TAOK3: variants seen among roughly 807,000 people sequenced by gnomAD.
TAOK3 encodes serine/threonine-protein kinase TAO3.
In TAOK3, 40 loss-of-function variants were observed where a neutral mutation model predicts 120.4. The ratio of observed to expected loss-of-function variants is 0.33; its 90% CI spans 0.26 to 0.43. The LOEUF (loss-of-function observed/expected upper bound fraction) is 0.43. Ranked by LOEUF, TAOK3 falls within the 20% of genes least tolerant of loss-of-function variation. The pLI, the probability that TAOK3 is intolerant of heterozygous loss-of-function variation, is 1.00. For synonymous variants in TAOK3, 355 were observed against 387.5 expected (o/e 0.92, Z 0.99); for missense variants, 821 against 1,112.1 (o/e 0.74, Z 3.72).
intron 2 of TAOK3, among the ~76,000 whole-genome samples, chr12:118,263,196 T>G (rs978252532): frequency 6.6e-6 from 1 of 152,164 alleles, no homozygotes; most frequent in Non-Finnish European, 1.5e-5. Flanking sequence ...CCCACATATT[T>G]ATGGACAACT....
At chr12:118,243,851 G>C (rs138387137) in intron 4 of TAOK3, among the ~76,000 whole-genome samples, 360 of 152,020 alleles carry the variant, frequency 2.4e-3, no homozygotes, top group Non-Finnish European at 4.2e-3. Flanking sequence ...TAATTTTTTT[G>C]TATTTTTAGT....
At chr12:118,152,040 G>A (rs145540644) in intron 20 of TAOK3, among the ~76,000 whole-genome samples, 187 bp downstream of exon 20, 2 of 152,280 alleles carry the variant, frequency 1.3e-5, no homozygotes, top group East Asian at 3.9e-4. Context: ...TCAGACATGC[G>A]TGCCTTGGTG....
chr12:118,289,174 G>A (rs912505841), intron 1 of TAOK3, among the ~76,000 whole-genome samples: 6 of 150,656 alleles, frequency 4.0e-5, no homozygotes, highest in African/African-American at 9.7e-5. Flanking sequence ...GGTGGCATGC[G>A]CCTATAATCC....
At chr12:118,347,027 C>T (rs1313742366) in intron 1 of TAOK3, among the ~76,000 whole-genome samples, 5 of 152,028 alleles carry the variant, frequency 3.3e-5, no homozygotes, top group Non-Finnish European at 5.9e-5. Flanking sequence ...TAGACCAGGT[C>T]TCGCTCTGTC....
At chr12:118,338,573 G>A (rs767138643) in intron 1 of TAOK3, among the ~76,000 whole-genome samples, 37 of 151,564 alleles carry the variant, frequency 2.4e-4, no homozygotes, top group Admixed American at 7.2e-4. Context: ...GGATCACAAG[G>A]TCAGGAGCTC....
At chr12:118,324,581 C>T (rs1391077283) in intron 1 of TAOK3, among the ~76,000 whole-genome samples, 3 of 151,876 alleles carry the variant, frequency 2.0e-5, no homozygotes, top group Non-Finnish European at 4.4e-5. Context: ...AACCATCATT[C>T]TAGTTTCTAT....
intron 1 of TAOK3, among the ~76,000 whole-genome samples, chr12:118,307,027 C>T (rs1236033815): frequency 6.6e-6 from 1 of 152,078 alleles, no homozygotes; most frequent in African/African-American, 2.4e-5. Context: ...TGTTGGACAA[C>T]ACAGTTCTAG....
intron 1 of TAOK3, among the ~76,000 whole-genome samples, chr12:118,305,243 G>A (rs939118783): frequency 6.6e-6 from 1 of 152,148 alleles, no homozygotes; most frequent in Non-Finnish European, 1.5e-5. Flanking sequence ...CACTTTCGGA[G>A]GCTGAGGCGG....
intron 9 of TAOK3, among the ~76,000 whole-genome samples, chr12:118,221,212 A>C (rs534161118): frequency 6.6e-6 from 1 of 152,118 alleles, no homozygotes; most frequent in Admixed American, 6.5e-5. Flanking sequence ...AGAATATAGC[A>C]GTTTTCTTTT....
intron 9 of TAOK3, among the ~76,000 whole-genome samples, chr12:118,224,967 G>T (rs1593218370): frequency 6.6e-6 from 1 of 152,240 alleles, no homozygotes; most frequent in Non-Finnish European, 1.5e-5. Flanking sequence ...TACAACTTGG[G>T]CTGGGCAAGG....
At position 118,253,859 on chromosome 12, in the gene TAOK3, G is replaced by C. The variant is rs151081911; in HGVS notation, c.120+1589C>G. ...ACGAGGTCAGTTCAAGACCAGCCTG[G>C]CCAACATGGTGAAACCCGGTCTCTA... is the stretch of plus-strand genomic sequence containing the variant. On this transcript the variant is annotated intron_variant, in intron 3 of 20. Transcript: ENST00000392533. 6.2e-3 allele frequency among the ~76,000 whole-genome samples: 943 copies of C among 152,186 alleles called. 10 individuals carry two copies. Among genetic ancestry groups the C allele is most frequent in the African/African-American group, 0.022 (908 of 41,518 alleles).
intron 15 of TAOK3, among the ~76,000 whole-genome samples, chr12:118,180,845 A>G (rs1027997663): frequency 1.3e-5 from 2 of 151,396 alleles, no homozygotes; most frequent in African/African-American, 4.9e-5. Flanking sequence ...ATACATAAGT[A>G]TAATTTTTTT....
At chr12:118,175,696 A>G (rs1018392910) in intron 16 of TAOK3, among the ~76,000 whole-genome samples, 7 of 152,188 alleles carry the variant, frequency 4.6e-5, no homozygotes, top group Non-Finnish European at 1.0e-4. Context: ...AATGCGCCAT[A>G]TTGAATTTTA....
intron 14 of TAOK3, among the ~76,000 whole-genome samples, chr12:118,184,173 T>C (rs537037992): frequency 6.6e-6 from 1 of 152,220 alleles, no homozygotes; most frequent in Non-Finnish European, 1.5e-5. Context: ...AATTACCTTC[T>C]TAAACTCCTA....
chr12:118,315,865 G>T (rs943085949), intron 1 of TAOK3, among the ~76,000 whole-genome samples: 1 of 152,142 alleles, frequency 6.6e-6, no homozygotes, highest in African/African-American at 2.4e-5. Context: ...AATGACAAAG[G>T]AAAATTGAAA....
chr12:118,369,451 A>G (rs2045838888), intron 1 of TAOK3, among the ~76,000 whole-genome samples: 1 of 152,192 alleles, frequency 6.6e-6, no homozygotes, highest in African/African-American at 2.4e-5. Context: ...TTTAGTAATC[A>G]CTTAGGGGAG....
intron 6 of TAOK3, among the ~76,000 whole-genome samples, chr12:118,238,629 G>A (rs1412282814): frequency 6.7e-6 from 1 of 149,608 alleles, no homozygotes; most frequent in Non-Finnish European, 1.5e-5. Flanking sequence ...GATCAACAGT[G>A]ATTTAATTTT....
chr12:118,259,654 T>C (rs1448166138), intron 2 of TAOK3, among the ~76,000 whole-genome samples: 1 of 152,184 alleles, frequency 6.6e-6, no homozygotes, highest in Non-Finnish European at 1.5e-5. Context: ...AGGCAAATGA[T>C]GTAAGCCATT....
At chr12:118,270,737 C>T (rs2041662963) in intron 1 of TAOK3, among the ~76,000 whole-genome samples, 1 of 150,658 alleles carries the variant, frequency 6.6e-6, no homozygotes, top group South Asian at 2.1e-4. Context: ...GCAGTGGCGC[C>T]GATCTCGGTT....
Sources: gnomAD v4.1 joint callset for allele counts (sites outside exome capture counted in the v4.1 genomes callset) on GRCh38, gnomAD v4.1.1 for gene constraint, MANE v1.5 for transcripts, NCBI Gene and HGNC (gene_info 2026-07-23, HGNC 2026-07-21) for gene names.